Variants in TNR observed in about 807,000 individuals in gnomAD.
TNR encodes tenascin R.
In TNR, 45 loss-of-function variants were observed where a neutral mutation model predicts 150.4. The observed-to-expected ratio is 0.30, with a 90% CI of 0.24 to 0.38. The LOEUF is 0.38. Ranked by LOEUF, TNR falls within the 10% of genes least tolerant of loss-of-function variation. The pLI is 1.00. For missense variants in TNR, 1,544 were observed against 1,759.1 expected (o/e 0.88, Z 2.19); for synonymous variants, 687 against 678.4 (o/e 1.01, Z -0.20).
At position 175,598,905 on chromosome 1, in the gene TNR, C is replaced by T. The variant is rs115820350; in HGVS notation, c.-164-70536G>A. 9.4e-3 allele frequency among the ~76,000 whole-genome samples: 1,437 copies of T among 152,336 alleles called. 23 individuals are homozygous for T. Among genetic ancestry groups the T allele is most frequent in the African/African-American group, 0.033 (1,364 of 41,556 alleles). ...CATTTTCTGGAATGCTCTAATGAAT[C>T]TGTAAGCTCCATGAGGGCAGAAATC... On this transcript the variant is annotated intron_variant, in intron 1 of 22. Coordinates refer to ENST00000367674, the MANE Select transcript of TNR (RefSeq NM_003285.3).
intron 1 of TNR, among the ~76,000 whole-genome samples, chr1:175,735,109 G>A (rs919738749): frequency 2.0e-5 from 3 of 152,190 alleles, no homozygotes; most frequent in East Asian, 1.9e-4. Flanking sequence ...CCCTTTATAG[G>A]TGGCTCTGGC....
intron 9 of TNR, among the ~76,000 whole-genome samples, chr1:175,367,793 G>A (rs572393800): frequency 6.6e-6 from 1 of 152,322 alleles, no homozygotes; most frequent in South Asian, 2.1e-4. Context: ...CCCTTCTAGG[G>A]AGGAACAGTG....
At position 175,375,177 on chromosome 1, in the gene TNR, GTT is replaced by G. The variant is rs61116085; in HGVS notation, c.1963+4373_1963+4374del. On this transcript the variant is annotated intron_variant, in intron 9 of 22. Coordinates refer to ENST00000367674, the MANE Select transcript of TNR (RefSeq NM_003285.3). ...CTTGGAGTTTTCTAAATGATTTGTT[GTT>G]TTTTTTTTTTGTTGCTGCCCAGAAA... Among the ~76,000 whole-genome samples the G allele has an allele frequency of 3.9e-4, 55 of 142,692 alleles. No individual in the cohort carries two copies. The East Asian group carries it at 4.9e-3, about 13-fold the overall frequency. 93.6% of individuals were successfully genotyped at this position (142,692 alleles called of 152,430 possible). A position where few individuals can be genotyped will look rare whatever the true frequency, so the allele number is the denominator to read the frequency against.
At chr1:175,670,978 A>C (rs1324501323) in intron 1 of TNR, among the ~76,000 whole-genome samples, 1 of 152,154 alleles carries the variant, frequency 6.6e-6, no homozygotes, top group African/African-American at 2.4e-5. Flanking sequence ...ATGAGTTACA[A>C]GCTATTAAAA....
At chr1:175,451,244 A>G (rs1481868543) in intron 2 of TNR, among the ~76,000 whole-genome samples, 1 of 145,896 alleles carries the variant, frequency 6.9e-6, no homozygotes, top group Non-Finnish European at 1.5e-5. Context: ...ATTATACTTT[A>G]AGTTCTAGGG....
intron 1 of TNR, among the ~76,000 whole-genome samples, chr1:175,615,614 G>T (rs1014978971): frequency 4.7e-5 from 7 of 150,148 alleles, no homozygotes; most frequent in African/African-American, 1.7e-4. Flanking sequence ...CTCTAATCCT[G>T]TTCCTGACTC....
Position 175,460,022 on chromosome 1 carries a change from A to T in TNR, c.-63-53245T>A, listed in dbSNP as rs117895086. 2.0e-4 allele frequency among the ~76,000 whole-genome samples: 31 copies of T among 152,278 alleles called. No homozygotes were observed. The East Asian group carries it at 6.0e-3, about 29-fold the overall frequency. On this transcript the variant is annotated intron_variant, in intron 2 of 22. Transcript: ENST00000367674. ...TTTGACATATATTCTCTGTATTTCTAACAGACGGTGACTGACTGGTGCCCA... is the reference window on the plus strand; with the variant it reads ...TTTGACATATATTCTCTGTATTTCTTACAGACGGTGACTGACTGGTGCCCA...
chr1:175,503,507 G>A (rs955561608), intron 2 of TNR, among the ~76,000 whole-genome samples: 2 of 152,176 alleles, frequency 1.3e-5, no homozygotes, highest in African/African-American at 4.8e-5. Flanking sequence ...TTATGTAAAT[G>A]AGCCGACAGG....
chr1:175,416,241 T>G (rs1654441596), intron 2 of TNR, among the ~76,000 whole-genome samples: 1 of 152,154 alleles, frequency 6.6e-6, no homozygotes, highest in African/African-American at 2.4e-5. Context: ...TTGATGAGAT[T>G]ATTCCCATTT....
rs760760565 is a variant in TNR, at chr1:175,406,373, A to G, written c.342T>C (p.Phe114=). Residue 114 remains phenylalanine, a synonymous_variant, in exon 3 of 23, where the codon TTT becomes TTC. Transcript: ENST00000367674. ...QTSDHESQVT[F]THRINFPKKA... Reference sequence around the variant, plus strand: ...TTTTGGGGAAGTTGATCCTGTGTGTAAAGGTGACCTGGCTCTCGTGGTCTG... The same window carrying G: ...TTTTGGGGAAGTTGATCCTGTGTGTGAAGGTGACCTGGCTCTCGTGGTCTG... 38 of 1,613,944 alleles carry G rather than the reference A, an allele frequency of 2.4e-5. No individual in the cohort carries two copies. The highest frequency in any genetic ancestry group is 3.3e-4 in the Middle Eastern group (2 of 6,084).
intron 2 of TNR, among the ~76,000 whole-genome samples, chr1:175,450,509 G>T (rs1447645919): frequency 6.6e-6 from 1 of 152,230 alleles, no homozygotes; most frequent in Non-Finnish European, 1.5e-5. Flanking sequence ...TCCCAAAGTG[G>T]CTTGTTAGAC....
In TNR at chr1:175,404,220, T is replaced by C. The variant is rs955126677; in HGVS notation, c.500-604A>G. 5.1e-4 allele frequency among the ~76,000 whole-genome samples: 77 copies of C among 152,124 alleles called. 1 individual carries two copies. The highest frequency in any genetic ancestry group is 1.5e-5 in the Non-Finnish European group (1 of 68,020). ...GGATGCCCAGGTGCTGGCTATGGGA[T>C]TTTGTGAGGGACCTAAGGAGGTATA... On this transcript the variant is annotated intron_variant, in intron 3 of 22. Coordinates refer to ENST00000367674, the MANE Select transcript of TNR (RefSeq NM_003285.3).
intron 2 of TNR, among the ~76,000 whole-genome samples, chr1:175,496,390 C>A (rs1015555145): frequency 1.3e-5 from 2 of 152,154 alleles, no homozygotes; most frequent in African/African-American, 4.8e-5. Context: ...GCACACATGG[C>A]TCCTTATTCC....
chr1:175,732,203 C>T (rs1481904938), intron 1 of TNR, among the ~76,000 whole-genome samples: 1 of 152,184 alleles, frequency 6.6e-6, no homozygotes, highest in Non-Finnish European at 1.5e-5. Flanking sequence ...CATATTCCTG[C>T]CCAGCTGGAC....
intron 15 of TNR, among the ~76,000 whole-genome samples, chr1:175,357,891 G>A (rs1651405356): frequency 6.6e-6 from 1 of 152,186 alleles, no homozygotes; most frequent in Non-Finnish European, 1.5e-5. Flanking sequence ...GCACATGGTA[G>A]GGCATCAAAA....
At position 175,385,989 on chromosome 1, in the gene TNR, CCT is replaced by C. The variant is rs757245541; in HGVS notation, c.1777+41_1777+42del. ...GATGACACCACCGGTTGGCTCCACC[CCT>C]CTTTCCCTCCTTGTGCGTCTCTCCC... On this transcript the variant is annotated intron_variant, in intron 8 of 22. Transcript: ENST00000367674. The C allele has an allele frequency of 1.6e-5, 24 of 1,526,632 alleles. No individual in the cohort carries two copies. In the South Asian group the frequency reaches 2.3e-4, roughly 15 times the overall value. 94.6% of individuals were successfully genotyped at this position (1,526,632 alleles called of 1,614,324 possible). A position where few individuals can be genotyped will look rare whatever the true frequency, so the allele number is the denominator to read the frequency against.
intron 1 of TNR, among the ~76,000 whole-genome samples, chr1:175,686,134 C>T (rs1484960418): frequency 6.6e-6 from 1 of 152,124 alleles, no homozygotes; most frequent in Non-Finnish European, 1.5e-5. Context: ...TTTGCTTCTC[C>T]AGCTAACAGT....
Position 175,652,749 on chromosome 1 carries a change from C to A in TNR, c.-165+90477G>T, listed in dbSNP as rs192090387. ...AGGCCTTCCAGTCGTGCTTCCTGTT[C>A]AGCCTGCAGAACTGTGAGTCAACTG... On this transcript the variant is annotated intron_variant, in intron 1 of 22. Transcript: ENST00000367674. 7.6e-4 allele frequency among the ~76,000 whole-genome samples: 115 copies of A among 152,292 alleles called. No individual in the cohort carries two copies. In the Middle Eastern group the frequency reaches 0.02, roughly 27 times the overall value.
intron 1 of TNR, among the ~76,000 whole-genome samples, chr1:175,650,838 C>A (rs1407740851): frequency 1.5e-5 from 2 of 135,558 alleles, no homozygotes; most frequent in Non-Finnish European, 1.6e-5. Flanking sequence ...TACCCCTCCC[C>A]CACCTCATTA....
Sources: allele counts gnomAD v4.1 joint callset (sites outside exome capture counted in the v4.1 genomes callset), GRCh38; gene constraint gnomAD v4.1.1; transcripts MANE v1.5; gene names NCBI Gene and HGNC (gene_info 2026-07-23, HGNC 2026-07-21).